TNFRSF13B: variants seen among roughly 807,000 people sequenced by gnomAD.
TNFRSF13B encodes tumor necrosis factor receptor superfamily member 13B.
A neutral mutation model predicts 24.0 loss-of-function variants in TNFRSF13B; 34 were observed. The observed-to-expected ratio is 1.41, with a 90% CI of 1.08 to 1.88. TNFRSF13B has a LOEUF of 1.88. Among genes scored for constraint, TNFRSF13B ranks in the 40% most tolerant of loss-of-function variants. TNFRSF13B has a pLI of 0.00. For missense variants in TNFRSF13B, 415 were observed against 380.8 expected (o/e 1.09, Z -0.75); for synonymous variants, 173 against 150.3 (o/e 1.15, Z -1.10).
At chr17:16,951,386 T>A (rs2087587659) in intron 2 of TNFRSF13B, among the ~76,000 whole-genome samples, 1 of 152,166 alleles carries the variant, frequency 6.6e-6, no homozygotes, top group Non-Finnish European at 1.5e-5. Flanking sequence ...TGTGGTAAGT[T>A]CTATCAAGGA....
chr17:16,947,050 G>A (rs1027710329), intron 3 of TNFRSF13B, among the ~76,000 whole-genome samples: 31 of 152,090 alleles, frequency 2.0e-4, no homozygotes, highest in Admixed American at 7.9e-4. Flanking sequence ...AGAAGAGCTG[G>A]TACCAATTCT....
chr17:16,946,574 ATT>A (rs869045172), intron 3 of TNFRSF13B, among the ~76,000 whole-genome samples: 14 of 139,580 alleles, frequency 1.0e-4, no homozygotes, highest in Non-Finnish European at 2.1e-4. Flanking sequence ...TTTTATTTTT[ATT>A]TTTATTTATT....
chr17:16,953,900 G>T (rs559755295), intron 1 of TNFRSF13B, among the ~76,000 whole-genome samples: 14 of 152,252 alleles, frequency 9.2e-5, no homozygotes, highest in Non-Finnish European at 4.4e-5. Context: ...CCAAGTAGCT[G>T]GGATTACAAG....
At chr17:16,960,758 C>T (rs1356281461) in intron 1 of TNFRSF13B, among the ~76,000 whole-genome samples, 1 of 152,160 alleles carries the variant, frequency 6.6e-6, no homozygotes, top group African/African-American at 2.4e-5. Context: ...AATTGGACTT[C>T]ATCAAAATTT....
chr17:16,948,031 T>A (rs1193887675), intron 3 of TNFRSF13B, among the ~76,000 whole-genome samples: 3 of 152,204 alleles, frequency 2.0e-5, no homozygotes, highest in African/African-American at 7.2e-5. Flanking sequence ...AAAAATACGT[T>A]TTTTGCAGCA....
rs2143662284 is a variant in TNFRSF13B, at chr17:16,952,429, C to T, written c.199+17G>A. ...GGGTGATCACACTGTCCCCTCGGCT[C>T]AGGCCCCAGAACTCACTGCAGAAGG... is the stretch of plus-strand genomic sequence containing the variant. On this transcript the variant is annotated intron_variant, in intron 2 of 4. Transcript: ENST00000261652. 1.2e-6 allele frequency: 2 copies of T among 1,613,988 alleles called. No individual in the cohort carries two copies. The highest frequency in any genetic ancestry group is 1.1e-5 in the South Asian group (1 of 91,068).
chr17:16,940,353 G>C lies in TNFRSF13B; in HGVS notation c.604C>G (p.Arg202Gly). ...TGGGAAGACTTGGCCGGACTTTGAC[G>C]GGGCCTTGAGCGGGGCTGGCAGGAG... is the stretch of plus-strand genomic sequence containing the variant. ...PCSCQPRSRPRQSPAKSSQDH... is the reference protein window; with the variant it reads ...PCSCQPRSRPGQSPAKSSQDH... Residue 202 changes from arginine to glycine, a missense_variant, in exon 4 of 5, where the codon CGT (arginine) becomes GGT (glycine). Physicochemically the swap from Arg to Gly is moderately radical, Grantham distance 125. Transcript: ENST00000261652. 6.2e-7 allele frequency: 1 copy of C among 1,613,798 alleles called. No homozygotes were observed. Among genetic ancestry groups the C allele is most frequent in the African/African-American group, 1.3e-5 (1 of 75,014 alleles).
chr17:16,965,437 C>G (rs2087692489), intron 1 of TNFRSF13B, among the ~76,000 whole-genome samples: 1 of 152,222 alleles, frequency 6.6e-6, no homozygotes. Flanking sequence ...TCTCATTTGT[C>G]TCTGAATCCA....
At chr17:16,953,107 C>T (rs1422513143) in intron 1 of TNFRSF13B, among the ~76,000 whole-genome samples, 2 of 152,208 alleles carry the variant, frequency 1.3e-5, no homozygotes, top group African/African-American at 2.4e-5. Context: ...CACTTTCCTT[C>T]TATGCATGTG....
intron 1 of TNFRSF13B, among the ~76,000 whole-genome samples, chr17:16,971,576 ATTG>A (rs916001964): frequency 3.9e-5 from 6 of 152,264 alleles, no homozygotes; most frequent in South Asian, 2.1e-4. Flanking sequence ...ATGTTCAGGA[ATTG>A]TTGTTTCAGC....
At chr17:16,957,542 A>G (rs1264804953) in intron 1 of TNFRSF13B, among the ~76,000 whole-genome samples, 1 of 152,182 alleles carries the variant, frequency 6.6e-6, no homozygotes, top group Non-Finnish European at 1.5e-5. Context: ...AGCCCACACC[A>G]GGACATATTA....
chr17:16,949,752 C>T (rs922426350), intron 2 of TNFRSF13B, among the ~76,000 whole-genome samples: 2 of 150,514 alleles, frequency 1.3e-5, no homozygotes, highest in Non-Finnish European at 2.9e-5. Flanking sequence ...ATGGCACGAT[C>T]TCGGCTCACT....
intron 3 of TNFRSF13B, among the ~76,000 whole-genome samples, chr17:16,946,582 TTATTTATTTA>T (rs1567651551): frequency 6.9e-6 from 1 of 144,380 alleles, no homozygotes. Context: ...TTATTTTTAT[TTATTTATTTA>T]TTTATTTTTT....
intron 1 of TNFRSF13B, among the ~76,000 whole-genome samples, chr17:16,961,840 A>G (rs1200559124): frequency 6.6e-6 from 1 of 152,242 alleles, no homozygotes. Flanking sequence ...GTTATCTATC[A>G]AGTGCGAGGT....
At chr17:16,966,395 G>A (rs897532716) in intron 1 of TNFRSF13B, among the ~76,000 whole-genome samples, 1 of 152,072 alleles carries the variant, frequency 6.6e-6, no homozygotes, top group Non-Finnish European at 1.5e-5. Context: ...TAAAGAATAA[G>A]CAGAAAAATA....
chr17:16,949,686 A>ATT (rs58362582), intron 2 of TNFRSF13B, among the ~76,000 whole-genome samples: 21,853 of 144,228 alleles, frequency 0.15, 2,022 homozygotes, highest in Non-Finnish European at 0.21. Context: ...AATATTTCTA[A>ATT]TTTTTTTTTT....
Position 16,940,380 on chromosome 17 carries a change from A to G in TNFRSF13B, c.577T>C (p.Cys193Arg), listed in dbSNP as rs764125338. The change falls in exon 4 of 5, where the codon TGC (cysteine) becomes CGC (arginine). Residue 193 changes from cysteine to arginine, a missense_variant. Cys to Arg is a radical substitution (Grantham distance 180, BLOSUM62 -3). Transcript: ENST00000261652. ...ACFLKKRGDP[C>R]SCQPRSRPRQ... ...GGCCTTGAGCGGGGCTGGCAGGAGCAGGGATCCCCCCTCTTCTTGAGGAAG... is the reference window on the plus strand; with the variant it reads ...GGCCTTGAGCGGGGCTGGCAGGAGCGGGGATCCCCCCTCTTCTTGAGGAAG... 129 of 1,613,944 alleles carry G rather than the reference A, an allele frequency of 8.0e-5. No homozygotes were observed. Among genetic ancestry groups the G allele is most frequent in the Non-Finnish European group, 1.0e-4 (119 of 1,180,024 alleles).
At chr17:16,956,825 A>G (rs1260485116) in intron 1 of TNFRSF13B, among the ~76,000 whole-genome samples, 2 of 152,230 alleles carry the variant, frequency 1.3e-5, no homozygotes, top group African/African-American at 4.8e-5. Context: ...TATGGAGACA[A>G]TACAAAAATC....
intron 1 of TNFRSF13B, among the ~76,000 whole-genome samples, chr17:16,971,703 A>G (rs2087745739): frequency 6.6e-6 from 1 of 152,170 alleles, no homozygotes; most frequent in South Asian, 2.1e-4. Flanking sequence ...GATTAGCATT[A>G]AAATGGTCCA....
Sources: gnomAD v4.1 joint callset for allele counts (sites outside exome capture counted in the v4.1 genomes callset) on GRCh38, gnomAD v4.1.1 for gene constraint, MANE v1.5 for transcripts, NCBI Gene and HGNC (gene_info 2026-07-23, HGNC 2026-07-21) for gene names.